CAMK2D: variants seen among roughly 807,000 people sequenced by gnomAD.
The protein encoded by CAMK2D is calcium/calmodulin dependent protein kinase II delta.
CAMK2D carries 37 observed loss-of-function variants against 84.0 expected under a neutral mutation model. The ratio of observed to expected loss-of-function variants is 0.44; its 90% CI spans 0.34 to 0.58. The LOEUF (loss-of-function observed/expected upper bound fraction) is 0.58, where lower values mean the gene tolerates loss of function less well. Among genes scored for constraint, CAMK2D ranks in the 20% least tolerant of loss-of-function variants. The pLI, the probability that CAMK2D is intolerant of heterozygous loss-of-function variation, is 0.02. For synonymous variants in CAMK2D, 202 were observed against 212.5 expected, an observed-to-expected ratio of 0.95 and a Z score of 0.43; for missense variants, 448 against 652.5, an observed-to-expected ratio of 0.69 and a Z score of 3.41.
intron 2 of CAMK2D, among the ~76,000 whole-genome samples, chr4:113,696,337 T>C (rs775550118): frequency 3.3e-5 from 5 of 152,016 alleles, no homozygotes; most frequent in Non-Finnish European, 7.4e-5. Context: ...GTAAGCTCCA[T>C]GGAGGTAGGC....
intron 8 of CAMK2D, among the ~76,000 whole-genome samples, chr4:113,524,167 C>T (rs1304250614): frequency 6.6e-6 from 1 of 152,186 alleles, no homozygotes; most frequent in Non-Finnish European, 1.5e-5. Flanking sequence ...CCACCATGTC[C>T]AGCCAGATGC....
rs189671346 is a variant in CAMK2D at position 113,655,721 on chromosome 4, C to T, written c.220+5992G>A. 5.7e-4 allele frequency among the ~76,000 whole-genome samples: 86 copies of T among 152,070 alleles called. 3 individuals carry two copies. The East Asian group carries it at 0.015, about 26-fold the overall frequency. On this transcript the variant is annotated intron_variant, in intron 3 of 20. Coordinates refer to ENST00000511664, the MANE Select transcript of CAMK2D (RefSeq NM_001321571.2). The stretch of plus-strand genomic sequence containing the variant: ...TATTGATCTTTTCCCAAATAAAGGC[C>T]CATACATGAATATCTTCTCTCTTGG...
rs184117845 is a variant in CAMK2D, at chr4:113,566,851, C to T, written c.276-14755G>A. 7.2e-5 allele frequency among the ~76,000 whole-genome samples: 11 copies of T among 152,302 alleles called. No homozygotes were observed. The East Asian group carries it at 1.7e-3, about 24-fold the overall frequency. On this transcript the variant is annotated intron_variant, in intron 4 of 20. Transcript: ENST00000511664. ...GCCCCTAGTTACGCACCAAATATCACCCTGTTTTCTTCATAGCACTAGAAC... is the reference window on the plus strand; with the variant it reads ...GCCCCTAGTTACGCACCAAATATCATCCTGTTTTCTTCATAGCACTAGAAC...
At chr4:113,621,943 GA>G (rs1163984551) in intron 3 of CAMK2D, among the ~76,000 whole-genome samples, 1 of 152,104 alleles carries the variant, frequency 6.6e-6, no homozygotes, top group Non-Finnish European at 1.5e-5. Context: ...AATGAACTAC[GA>G]AATGTCTTCA....
In CAMK2D at chr4:113,457,532, A is replaced by G; in HGVS notation, c.1338T>C (p.Thr446=). 1 of 1,613,634 alleles carries G rather than the reference A, an allele frequency of 6.2e-7. No homozygotes were observed. Among genetic ancestry groups the G allele is most frequent in the Non-Finnish European group, 8.5e-7 (1 of 1,179,608 alleles). The change falls in exon 19 of 21, where the codon ACT becomes ACC. Residue 446 remains threonine (T), a synonymous_variant. Coordinates refer to ENST00000511664, the MANE Select transcript of CAMK2D (RefSeq NM_001321571.2). ...GATGTACATGAGGGTTTAGAATAAT[A>G]GTGTGGATTGGTTTATTGCTTTTGG... ...ALSKSNKPIH[T]IILNPHVHLV...
At chr4:113,454,653 A>T in intron 20 of CAMK2D, 138 bp from the exon 21 acceptor site, 1 of 566,194 alleles carries the variant, frequency 1.8e-6, no homozygotes, top group Non-Finnish European at 3.3e-6. Flanking sequence ...TGTATAAGAG[A>T]TGTTTGCTTG....
intron 4 of CAMK2D, among the ~76,000 whole-genome samples, chr4:113,559,679 T>A (rs2098689165): frequency 1.3e-5 from 2 of 152,268 alleles, no homozygotes; most frequent in African/African-American, 4.8e-5. Context: ...ACAGTTAAAT[T>A]GTGTTTCACA....
intron 2 of CAMK2D, among the ~76,000 whole-genome samples, chr4:113,682,256 A>G (rs2099348087): frequency 6.6e-6 from 1 of 152,160 alleles, no homozygotes; most frequent in Non-Finnish European, 1.5e-5. Flanking sequence ...AAATTGCCAC[A>G]TATAAACTGC....
intron 2 of CAMK2D, among the ~76,000 whole-genome samples, chr4:113,699,929 T>C (rs935710605): frequency 1.8e-4 from 28 of 152,342 alleles, no homozygotes; most frequent in Admixed American, 1.2e-3. Context: ...GTTAAGAAGA[T>C]AGTTCTACTA....
In CAMK2D at chr4:113,550,766, G is replaced by T. The variant is rs79473485; in HGVS notation, c.341+1265C>A. On this transcript the variant is annotated intron_variant, in intron 5 of 20. Coordinates refer to ENST00000511664, the MANE Select transcript of CAMK2D (RefSeq NM_001321571.2). ...GCCCCTTTCAGGACCCTAATGTGGG[G>T]ATTTGGGGTAAACTGAGCAAGTGAT... Among the ~76,000 whole-genome samples the T allele has an allele frequency of 8.0e-3, 1,214 of 152,286 alleles. 17 individuals are homozygous for T. Among genetic ancestry groups the T allele is most frequent in the African/African-American group, 0.028 (1,148 of 41,556 alleles).
At chr4:113,503,059 G>C in intron 14 of CAMK2D, 82 bp from the exon 15 acceptor site, 1 of 967,758 alleles carries the variant, frequency 1.0e-6, no homozygotes, top group Non-Finnish European at 1.7e-6. Context: ...AGCAGAGTGA[G>C]CCAGCTGACA....
intron 6 of CAMK2D, among the ~76,000 whole-genome samples, chr4:113,542,645 G>C (rs983224872): frequency 6.6e-6 from 1 of 151,870 alleles, no homozygotes; most frequent in African/African-American, 2.4e-5. Context: ...AACCAGGGAG[G>C]CGGAGCTTGC....
At chr4:113,603,000 T>C (rs1162818160) in intron 4 of CAMK2D, among the ~76,000 whole-genome samples, 1 of 152,168 alleles carries the variant, frequency 6.6e-6, no homozygotes, top group Admixed American at 6.5e-5. Flanking sequence ...AGTCTCTGCC[T>C]GAAGGCCTCT....
Position 113,623,364 on chromosome 4 carries a change from A to G in CAMK2D, c.221-14158T>C, listed in dbSNP as rs532745482. Among the ~76,000 whole-genome samples the G allele has an allele frequency of 2.0e-5, 3 of 151,296 alleles. No individual in the cohort carries two copies. In the East Asian group the frequency reaches 5.9e-4, roughly 30 times the overall value. On this transcript the variant is annotated intron_variant, in intron 3 of 20. Coordinates refer to ENST00000511664, the MANE Select transcript of CAMK2D (RefSeq NM_001321571.2). ...GACTACAGATTAATGATGATCAATG[A>G]TCTATCATGATGTGTATATACACAC... is the stretch of plus-strand genomic sequence containing the variant.
At chr4:113,469,209 C>T (rs79394798) in intron 16 of CAMK2D, among the ~76,000 whole-genome samples, 1 of 152,138 alleles carries the variant, frequency 6.6e-6, no homozygotes, top group Non-Finnish European at 1.5e-5. Context: ...AAACAACTTA[C>T]AGATTTCAAC....
At chr4:113,555,033 A>G (rs1046843458) in intron 4 of CAMK2D, among the ~76,000 whole-genome samples, 5 of 152,204 alleles carry the variant, frequency 3.3e-5, no homozygotes, top group African/African-American at 1.2e-4. Context: ...GTTGTTATTT[A>G]TAGTGATGTT....
chr4:113,553,772 G>A (rs1419975122), intron 4 of CAMK2D, among the ~76,000 whole-genome samples: 1 of 152,086 alleles, frequency 6.6e-6, no homozygotes, highest in Non-Finnish European at 1.5e-5. Flanking sequence ...CCATTTAATA[G>A]CATAGCTATT....
chr4:113,468,187 C>T (rs1477155402), intron 16 of CAMK2D, among the ~76,000 whole-genome samples: 1 of 152,142 alleles, frequency 6.6e-6, no homozygotes, highest in Non-Finnish European at 1.5e-5. Flanking sequence ...CTTTTACTTT[C>T]TGAACCACTG....
intron 6 of CAMK2D, among the ~76,000 whole-genome samples, chr4:113,546,801 T>G (rs554170156): frequency 7.9e-5 from 12 of 152,296 alleles, no homozygotes; most frequent in Non-Finnish European, 1.6e-4. Flanking sequence ...TCACTATTTT[T>G]CTGAAATTCC....
Sources: allele counts gnomAD v4.1 joint callset (sites outside exome capture counted in the v4.1 genomes callset), GRCh38; gene constraint gnomAD v4.1.1; transcripts MANE v1.5; gene names NCBI Gene and HGNC (gene_info 2026-07-23, HGNC 2026-07-21).